The following SGPP2 variants were observed in gnomAD, a reference collection of about 807,000 sequenced individuals.
SGPP2 encodes sphingosine 1-phosphate phosphohydrolase 2.
SGPP2 carries 30 observed loss-of-function variants against 33.9 expected under a neutral mutation model. The ratio of observed to expected loss-of-function variants is 0.89; its 90% confidence interval spans 0.66 to 1.20. SGPP2 has a LOEUF of 1.20. Among genes scored for constraint, SGPP2 ranks in the 50% most tolerant of loss-of-function variants. The pLI is 0.00. For synonymous variants in SGPP2, 233 were observed against 225.0 expected, an observed-to-expected ratio of 1.04 and a Z score of -0.32; for missense variants, 458 against 532.1, an observed-to-expected ratio of 0.86 and a Z score of 1.37.
chr2:222,494,579 C>T (rs539346339), intron 2 of SGPP2, among the ~76,000 whole-genome samples: 5 of 152,324 alleles, frequency 3.3e-5, no homozygotes, highest in Admixed American at 1.3e-4. Flanking sequence ...TGAGACATGC[C>T]GAGGGCGCCA....
intron 1 of SGPP2, among the ~76,000 whole-genome samples, chr2:222,429,349 A>G (rs1697118520): frequency 6.6e-6 from 1 of 152,202 alleles, no homozygotes; most frequent in Non-Finnish European, 1.5e-5. Flanking sequence ...CAGCCGTGAC[A>G]TTTTGGCTTC....
rs149094491 is a variant in SGPP2 at position 222,446,797 on chromosome 2, G to A, written c.219+21976G>A. 1.1e-4 allele frequency among the ~76,000 whole-genome samples: 17 copies of A among 152,272 alleles called. No homozygotes were observed. The East Asian group carries it at 2.7e-3, about 24-fold the overall frequency. Reference sequence around the variant, plus strand: ...AAGATGGATGCCTTCTTTGTCCGTCGTATCCAGTGATAACTCAACATTTGG... The same window carrying A: ...AAGATGGATGCCTTCTTTGTCCGTCATATCCAGTGATAACTCAACATTTGG... On this transcript the variant is annotated intron_variant, in intron 1 of 4. Coordinates refer to ENST00000321276, the MANE Select transcript of SGPP2 (RefSeq NM_152386.4).
intron 1 of SGPP2, 108 bp downstream of exon 1, chr2:222,424,929 C>T (rs1164529939): frequency 1.2e-5 from 11 of 897,538 alleles, no homozygotes; most frequent in Non-Finnish European, 1.3e-5. Flanking sequence ...GGCGCCGTCC[C>T]CGGCAGTGAC....
chr2:222,489,995 ACT>A (rs1053990889), intron 2 of SGPP2, among the ~76,000 whole-genome samples: 8 of 151,930 alleles, frequency 5.3e-5, no homozygotes, highest in South Asian at 2.1e-4. Flanking sequence ...AAAAAATAAA[ACT>A]CTGTGAAAGC....
chr2:222,484,263 C>T (rs112842966), intron 2 of SGPP2, among the ~76,000 whole-genome samples: 4 of 152,286 alleles, frequency 2.6e-5, no homozygotes, highest in African/African-American at 9.6e-5. Flanking sequence ...TCCCTCTCTC[C>T]TTCCTTCCTG....
chr2:222,459,128 T>C (rs1697618222), intron 1 of SGPP2, among the ~76,000 whole-genome samples: 1 of 132,516 alleles, frequency 7.5e-6, no homozygotes, highest in Non-Finnish European at 1.7e-5. Context: ...TTTTTTTTCT[T>C]TCTTTCTTTC....
intron 4 of SGPP2, among the ~76,000 whole-genome samples, chr2:222,551,610 T>C (rs1689295348): frequency 6.6e-6 from 1 of 152,214 alleles, no homozygotes; most frequent in Admixed American, 6.5e-5. Context: ...AATACCTACA[T>C]GTCTTTATTA....
intron 2 of SGPP2, among the ~76,000 whole-genome samples, chr2:222,493,582 C>T (rs965229793): frequency 7.9e-5 from 12 of 152,182 alleles, no homozygotes; most frequent in African/African-American, 2.2e-4. Context: ...GCAGTCCTCC[C>T]GCCTTGGCCT....
intron 2 of SGPP2, among the ~76,000 whole-genome samples, chr2:222,520,955 T>G (rs190858639): frequency 9.9e-4 from 150 of 152,258 alleles, no homozygotes; most frequent in Non-Finnish European, 1.6e-3. Context: ...AGACAGGGTC[T>G]CACCATCTTT....
intron 4 of SGPP2, among the ~76,000 whole-genome samples, chr2:222,545,199 CTT>C (rs1438798831): frequency 6.6e-6 from 1 of 150,950 alleles, no homozygotes; most frequent in African/African-American, 2.4e-5. Context: ...CGCTCCGTGT[CTT>C]TTTTTCTTTT....
chr2:222,491,059 G>C (rs1308533567), intron 2 of SGPP2, among the ~76,000 whole-genome samples: 1 of 152,084 alleles, frequency 6.6e-6, no homozygotes, highest in Non-Finnish European at 1.5e-5. Context: ...ATTGTCTCAT[G>C]CCAGCTTTTC....
chr2:222,499,831 G>A (rs1698339768), intron 2 of SGPP2, among the ~76,000 whole-genome samples: 1 of 152,138 alleles, frequency 6.6e-6, no homozygotes, highest in Admixed American at 6.5e-5. Flanking sequence ...ATGTCTTCAT[G>A]TTTACCCTAA....
chr2:222,548,950 A>C (rs1689247436), intron 4 of SGPP2, among the ~76,000 whole-genome samples: 1 of 152,232 alleles, frequency 6.6e-6, no homozygotes, highest in African/African-American at 2.4e-5. Flanking sequence ...TATGACTAAA[A>C]GTTATTTTCT....
chr2:222,486,028 A>AC (rs1698101532), intron 2 of SGPP2, among the ~76,000 whole-genome samples: 1 of 152,146 alleles, frequency 6.6e-6, no homozygotes, highest in Non-Finnish European at 1.5e-5. Flanking sequence ...AGCCCTCTCT[A>AC]GTTAGAGGGC....
At position 222,522,856 on chromosome 2, in the gene SGPP2, T is replaced by A. The variant is rs184532690; in HGVS notation, c.558+910T>A. Among the ~76,000 whole-genome samples, 1,491 of 151,980 alleles carry A rather than the reference T, an allele frequency of 9.8e-3. 23 individuals are homozygous for A. Among genetic ancestry groups the A allele is most frequent in the East Asian group, 0.03 (154 of 5,180 alleles). On this transcript the variant is annotated intron_variant, in intron 3 of 4. Transcript: ENST00000321276. The stretch of plus-strand genomic sequence containing the variant: ...ACTACGCCCAGATAATTAAAAAAAA[T>A]TTTTTTTCTAGTGAAGGGGTCTTGC...
chr2:222,431,541 G>A (rs1490348236), intron 1 of SGPP2, among the ~76,000 whole-genome samples: 1 of 152,062 alleles, frequency 6.6e-6, no homozygotes, highest in African/African-American at 2.4e-5. Context: ...TTTACAAGGT[G>A]GGGGTAATTG....
At position 222,424,754 on chromosome 2, in the gene SGPP2, TC is replaced by T. The variant is rs1279417989; in HGVS notation, c.156del (p.Ala53GlnfsTer29). On this transcript the variant is annotated frameshift_variant, in exon 1 of 5. Transcript: ENST00000321276. LOFTEE classifies it high-confidence loss of function. ...GCGCGGGTCCCCGGGGTCGAGCATC[TC>T]CCCGCAGCCAACGGCAAGGGCGGCG... ...RAARVPGVEH[L>X]PAANGKGGEA... is the part of the protein sequence containing the mutation. 2 of 1,412,424 alleles carry T rather than the reference TC, an allele frequency of 1.4e-6. No homozygotes were observed. The highest frequency in any genetic ancestry group is 1.8e-6 in the Non-Finnish European group (2 of 1,085,182). The allele number at this position is 1,412,424 out of a possible 1,614,324, so 87.5% of individuals were successfully genotyped here. A position where few individuals can be genotyped will look rare whatever the true frequency, so the allele number is the denominator to read the frequency against.
intron 1 of SGPP2, chr2:222,453,220 A>C: frequency 1.3e-6 from 1 of 771,992 alleles, no homozygotes; most frequent in Non-Finnish European, 2.4e-6. Flanking sequence ...CACAAATGAC[A>C]GGCATAGGTG....
At chr2:222,528,582 G>A (rs954855252) in intron 4 of SGPP2, among the ~76,000 whole-genome samples, 10 of 152,032 alleles carry the variant, frequency 6.6e-5, no homozygotes, top group African/African-American at 2.4e-4. Flanking sequence ...TGCGTAGGGT[G>A]GTCATTGCTG....
Sources: gnomAD v4.1 joint callset for allele counts (sites outside exome capture counted in the v4.1 genomes callset) on GRCh38, gnomAD v4.1.1 for gene constraint, MANE v1.5 for transcripts, NCBI Gene and HGNC (gene_info 2026-07-23, HGNC 2026-07-21) for gene names.